Variants in KIAA0319 observed in about 807,000 individuals in gnomAD.
KIAA0319 encodes the protein KIAA0319.
Under a neutral mutation model 108.4 loss-of-function variants are expected in KIAA0319, and 83 were observed. The ratio of observed to expected loss-of-function variants is 0.77; its 90% CI spans 0.64 to 0.92. KIAA0319 has a LOEUF of 0.92. Among genes scored for constraint, KIAA0319 ranks in the 40% least tolerant of loss-of-function variants. The probability of loss-of-function intolerance (pLI) is 0.00; values close to 1 mark genes in which losing one functional copy is unlikely to be tolerated. For synonymous variants in KIAA0319, 484 were observed against 510.4 expected, an observed-to-expected ratio of 0.95 and a Z score of 0.70; for missense variants, 1,195 against 1,322.4, an observed-to-expected ratio of 0.90 and a Z score of 1.49.
At chr6:24,575,904 ATATATT>A (rs1453690396) in intron 10 of KIAA0319, among the ~76,000 whole-genome samples, 6 of 152,206 alleles carry the variant, frequency 3.9e-5, no homozygotes, top group African/African-American at 1.4e-4. Context: ...TGTTAGACAA[ATATATT>A]TAAAAGATTT....
At chr6:24,629,316 C>A (rs573804737) in intron 1 of KIAA0319, among the ~76,000 whole-genome samples, 1 of 152,018 alleles carries the variant, frequency 6.6e-6, no homozygotes, top group East Asian at 1.9e-4. Context: ...GAGATTGAGA[C>A]CATCCTGGCT....
chr6:24,553,119 C>T (rs1477863194), intron 19 of KIAA0319, among the ~76,000 whole-genome samples: 2 of 151,678 alleles, frequency 1.3e-5, no homozygotes, highest in East Asian at 1.9e-4. Flanking sequence ...GTTATTGCCT[C>T]GCTTACAGTT....
rs1760461148 is a variant in KIAA0319 at position 24,545,061 on chromosome 6, T to C, written c.*2104A>G. ...ATCTCTCCCTCTGACCTTGGCTCTC[T>C]GGATCCATTAAAAGAAATTCCTCTT... On this transcript the variant is annotated 3_prime_UTR_variant, in exon 21 of 21. Coordinates refer to ENST00000378214, the MANE Select transcript of KIAA0319 (RefSeq NM_014809.4). 1 of 152,206 alleles carries C rather than the reference T, an allele frequency of 6.6e-6. No homozygotes were observed. Among genetic ancestry groups the C allele is most frequent in the Non-Finnish European group, 1.5e-5 (1 of 68,054 alleles). 9.4% of individuals were successfully genotyped at this position (152,206 alleles called of 1,614,324 possible). A position where few individuals can be genotyped will look rare whatever the true frequency, so the allele number is the denominator to read the frequency against.
chr6:24,613,195 CGAGT>C (rs1446534566), intron 1 of KIAA0319, among the ~76,000 whole-genome samples: 2 of 152,042 alleles, frequency 1.3e-5, no homozygotes, highest in Non-Finnish European at 2.9e-5. Flanking sequence ...TTAAGAGCTT[CGAGT>C]GAGTAACACC....
intron 1 of KIAA0319, among the ~76,000 whole-genome samples, chr6:24,625,666 T>A (rs149100086): frequency 6.6e-6 from 1 of 152,272 alleles, no homozygotes; most frequent in African/African-American, 2.4e-5. Context: ...TGATCTTATA[T>A]ACAGAAAATC....
chr6:24,553,003 G>A (rs1039437797), intron 19 of KIAA0319, among the ~76,000 whole-genome samples: 8 of 152,042 alleles, frequency 5.3e-5, no homozygotes, highest in African/African-American at 1.2e-4. Context: ...ACAGAGGGTT[G>A]AGCATGGGGT....
chr6:24,598,431 G>A (rs1344624373), intron 2 of KIAA0319: 8 of 577,656 alleles, frequency 1.4e-5, no homozygotes, highest in Admixed American at 9.7e-5. Flanking sequence ...AGACAGTTTG[G>A]ATGAATGTGG....
In KIAA0319 at chr6:24,556,738, A is replaced by T; in HGVS notation, c.2735-9T>A. 6.2e-7 allele frequency: 1 copy of T among 1,612,706 alleles called. No individual in the cohort carries two copies. The highest frequency in any genetic ancestry group is 1.1e-5 in the South Asian group (1 of 90,914). On this transcript the variant is annotated splice_polypyrimidine_tract_variant and intron_variant, in intron 17 of 20. Coordinates refer to ENST00000378214, the MANE Select transcript of KIAA0319 (RefSeq NM_014809.4). ...ACACTTCAGAAGGCAACCTGCAAAG[A>T]GGTGTGTAGGGCTGAGGGCAGCATG...
chr6:24,587,569 C>T (rs369095036), intron 4 of KIAA0319, among the ~76,000 whole-genome samples: 3 of 151,946 alleles, frequency 2.0e-5, no homozygotes, highest in South Asian at 4.2e-4. Context: ...CGTGAGCCAC[C>T]GTGCCTGGTC....
chr6:24,620,335 C>T lies in KIAA0319; in HGVS notation c.-105-19127G>A, dbSNP rs1041353689. The stretch of plus-strand genomic sequence containing the variant: ...TTGTTTTTTGAGACGGAGTCTCACT[C>T]TGTCGCCCAGGCTGAAGTGCAGTGG... On this transcript the variant is annotated intron_variant, in intron 1 of 20. Transcript: ENST00000378214. Among the ~76,000 whole-genome samples, 13 of 152,204 alleles carry T rather than the reference C, an allele frequency of 8.5e-5. 1 individual carries two copies. Among genetic ancestry groups the T allele is most frequent in the Admixed American group, 2.6e-4 (4 of 15,284 alleles).
chr6:24,553,635 G>A (rs1761892571), intron 19 of KIAA0319, among the ~76,000 whole-genome samples: 1 of 152,148 alleles, frequency 6.6e-6, no homozygotes, highest in Non-Finnish European at 1.5e-5. Flanking sequence ...CGAGGAGAAT[G>A]GAGTGCTTTA....
chr6:24,564,066 T>C, intron 15 of KIAA0319, 136 bp downstream of exon 15: 1 of 938,054 alleles, frequency 1.1e-6, no homozygotes, highest in Non-Finnish European at 1.6e-6. Flanking sequence ...GTAAGAGACA[T>C]CCTCAAAGTG....
chr6:24,541,177 C>T (rs1462510650), downstream of KIAA0319, among the ~76,000 whole-genome samples: 2 of 152,158 alleles, frequency 1.3e-5, no homozygotes, highest in South Asian at 2.1e-4. Flanking sequence ...ATAAGTGAAT[C>T]GCTCAATGAA....
rs1364729330 is a variant in KIAA0319 at position 24,554,536 on chromosome 6, GGTACC to G, written c.2948_2948+4del. The G allele has an allele frequency of 6.2e-7, 1 of 1,607,898 alleles. No homozygotes were observed. Among genetic ancestry groups the G allele is most frequent in the South Asian group, 1.1e-5 (1 of 90,942 alleles). Reference sequence around the variant, plus strand: ...CTATTTCCCAGGAATAAGCACTCTAGGTACCTTTTGCAGCAGCAGATGCAAAGCCA... The same window carrying G: ...CTATTTCCCAGGAATAAGCACTCTAGTTTTGCAGCAGCAGATGCAAAGCCA... On this transcript the variant is annotated splice_donor_variant and splice_donor_region_variant and coding_sequence_variant and intron_variant, in exon 19 of 21. Transcript: ENST00000378214. LOFTEE classifies it high-confidence loss of function.
chr6:24,572,917 ACCAGCCTGGCCAACATGGTG>A (rs1764932498), intron 10 of KIAA0319, among the ~76,000 whole-genome samples: 1 of 152,110 alleles, frequency 6.6e-6, no homozygotes, highest in Non-Finnish European at 1.5e-5. Context: ...GGAGTTCGAG[ACCAGCCTGGCCAACATGGTG>A]GAACCCCGTC....
rs1325140801 is a variant in KIAA0319, at chr6:24,606,310, C to T, written c.-105-5102G>A. Among the ~76,000 whole-genome samples, 4 of 152,242 alleles carry T rather than the reference C, an allele frequency of 2.6e-5. No homozygotes were observed. In the South Asian group the frequency reaches 6.2e-4, roughly 24 times the overall value. On this transcript the variant is annotated intron_variant, in intron 1 of 20. Coordinates refer to ENST00000378214, the MANE Select transcript of KIAA0319 (RefSeq NM_014809.4). ...CAATCTCATTCCTTCTCTAGGCTTC[C>T]GATCATGCATGACCCCTAGGCCATC...
chr6:24,568,282 A>C (rs949740914), intron 13 of KIAA0319, among the ~76,000 whole-genome samples: 1 of 152,188 alleles, frequency 6.6e-6, no homozygotes, highest in African/African-American at 2.4e-5. Flanking sequence ...TGAGTCTAGC[A>C]CTCTGCTATA....
At position 24,568,918 on chromosome 6, in the gene KIAA0319, G is replaced by A; in HGVS notation, c.2003C>T (p.Ala668Val). ...YHWEHVRGPS[A>V]VEMENIDKAI... is the part of the protein sequence containing the mutation. ...TTTGTCAATATTTTCCATCTCCACT[G>A]CACTGGGGCCTCTATAAAACATAGA... Residue 668 changes from alanine to valine, a missense_variant, in exon 13 of 21, where the codon GCA becomes GTA. By Grantham distance (64) the Ala-to-Val change is moderately conservative. Transcript: ENST00000378214. 1 of 1,614,168 alleles carries A rather than the reference G, an allele frequency of 6.2e-7. No homozygotes were observed. The highest frequency in any genetic ancestry group is 8.5e-7 in the Non-Finnish European group (1 of 1,179,984).
intron 1 of KIAA0319, among the ~76,000 whole-genome samples, chr6:24,603,621 C>G (rs772991818): frequency 5.9e-5 from 9 of 152,098 alleles, no homozygotes; most frequent in Non-Finnish European, 1.0e-4. Flanking sequence ...AGAAGCACTG[C>G]AGTACTTTTA....
Sources: allele counts gnomAD v4.1 joint callset (sites outside exome capture counted in the v4.1 genomes callset), GRCh38; gene constraint gnomAD v4.1.1; transcripts MANE v1.5; gene names NCBI Gene and HGNC (gene_info 2026-07-23, HGNC 2026-07-21).